Variants in RAD51B observed in about 807,000 individuals in gnomAD.
RAD51B encodes the protein DNA repair protein RAD51 homolog 2.
RAD51B carries 38 observed loss-of-function variants against 42.2 expected under a neutral mutation model. The observed-to-expected ratio is 0.90, with a 90% confidence interval of 0.70 to 1.18. The LOEUF is 1.18. RAD51B is among the 50% of genes most tolerant of loss of function. The pLI is 0.00. For missense variants in RAD51B, 373 were observed against 400.7 expected, an observed-to-expected ratio of 0.93 and a Z score of 0.59; for synonymous variants, 154 against 145.2, an observed-to-expected ratio of 1.06 and a Z score of -0.43.
chr14:68,668,404 C>A (rs538969407), intron 11 of RAD51B, among the ~76,000 whole-genome samples: 1 of 152,206 alleles, frequency 6.6e-6, no homozygotes, highest in Admixed American at 6.5e-5. Context: ...TCGAAAACCA[C>A]GCATTCCACT....
chr14:67,986,766 C>T lies in RAD51B; in HGVS notation c.756+99562C>T, dbSNP rs188832286. Among the ~76,000 whole-genome samples the T allele has an allele frequency of 6.2e-4, 94 of 152,286 alleles. 1 individual carries two copies. The highest frequency in any genetic ancestry group is 3.7e-4 in the Non-Finnish European group (25 of 68,036). On this transcript the variant is annotated intron_variant, in intron 7 of 10. Transcript: ENST00000471583. The stretch of plus-strand genomic sequence containing the variant: ...TTTTTTTGTGAGATGGAGTTTCGCT[C>T]TGTTGCTCAGGCTGGAGTTCAGTGG...
chr14:67,956,182 AACT>A (rs1365384402), intron 7 of RAD51B, among the ~76,000 whole-genome samples: 7 of 152,234 alleles, frequency 4.6e-5, no homozygotes, highest in Non-Finnish European at 7.3e-5. Flanking sequence ...CTTTCAGTTT[AACT>A]GAATGTTAAA....
At chr14:68,314,429 G>A (rs1488408639) in intron 8 of RAD51B, among the ~76,000 whole-genome samples, 1 of 152,132 alleles carries the variant, frequency 6.6e-6, no homozygotes. Flanking sequence ...TGGGGCTGCA[G>A]GTCTTTGAAA....
intron 7 of RAD51B, among the ~76,000 whole-genome samples, chr14:68,105,857 C>T (rs2077369087): frequency 1.3e-5 from 2 of 151,894 alleles, no homozygotes; most frequent in Non-Finnish European, 1.5e-5. Flanking sequence ...GATTATATAC[C>T]TTCTATTTAT....
chr14:67,851,611 G>C (rs1418717189), intron 4 of RAD51B, among the ~76,000 whole-genome samples: 1 of 151,470 alleles, frequency 6.6e-6, no homozygotes, highest in Admixed American at 6.6e-5. Context: ...GGTGGCCACG[G>C]CAGAGGACCT....
chr14:68,183,580 G>A (rs141045406), intron 7 of RAD51B, among the ~76,000 whole-genome samples: 3 of 152,270 alleles, frequency 2.0e-5, no homozygotes, highest in Non-Finnish European at 2.9e-5. Flanking sequence ...TATTATAACC[G>A]TCACACATCT....
At chr14:68,432,865 G>A (rs576446234) in intron 9 of RAD51B, among the ~76,000 whole-genome samples, 17 of 152,244 alleles carry the variant, frequency 1.1e-4, no homozygotes, top group Admixed American at 2.0e-4. Flanking sequence ...ACAATTTGGC[G>A]TGCTTTTGCA....
intron 7 of RAD51B, chr14:67,887,583 A>G (rs560649414): frequency 6.3e-6 from 1 of 159,382 alleles, no homozygotes; most frequent in African/African-American, 2.4e-5. Flanking sequence ...CTATATAATT[A>G]AAAAAAATAC....
chr14:68,007,310 T>C (rs985404934), intron 7 of RAD51B, among the ~76,000 whole-genome samples: 1 of 152,140 alleles, frequency 6.6e-6, no homozygotes, highest in Non-Finnish European at 1.5e-5. Context: ...TTATCAATAG[T>C]GCTGCTATGA....
At chr14:68,418,566 A>G (rs2084619041) in intron 9 of RAD51B, among the ~76,000 whole-genome samples, 1 of 152,220 alleles carries the variant, frequency 6.6e-6, no homozygotes, top group Admixed American at 6.5e-5. Flanking sequence ...AGATTTCTAG[A>G]GAAATCTGAG....
At chr14:68,482,109 T>C (rs1014118858), downstream of RAD51B, among the ~76,000 whole-genome samples, 1 of 51,356 alleles carries the variant, frequency 1.9e-5, no homozygotes, top group African/African-American at 3.7e-5. Flanking sequence ...GTATCATTAA[T>C]TACTTTTACT....
rs990058403 is a variant in RAD51B, at chr14:68,589,926, T to C, written c.1037-4559T>C. Among the ~76,000 whole-genome samples the C allele has an allele frequency of 2.0e-5, 3 of 152,184 alleles. 1 individual carries two copies. Among genetic ancestry groups the C allele is most frequent in the Admixed American group, 1.3e-4 (2 of 15,276 alleles). On this transcript the variant is annotated intron_variant, in intron 10 of 10. Transcript: ENST00000487270. The stretch of plus-strand genomic sequence containing the variant: ...GTCTGTGTTAGCTCACACAGACATA[T>C]TCACACACGAACACACACATTCCAT...
intron 7 of RAD51B, among the ~76,000 whole-genome samples, chr14:67,923,940 C>T (rs1239478986): frequency 6.6e-6 from 1 of 152,100 alleles, no homozygotes; most frequent in Admixed American, 6.5e-5. Flanking sequence ...AAGGTGGTAT[C>T]ACATTGTGGT....
At chr14:68,000,578 G>A (rs2075463249) in intron 7 of RAD51B, among the ~76,000 whole-genome samples, 1 of 151,930 alleles carries the variant, frequency 6.6e-6, no homozygotes, top group South Asian at 2.1e-4. Context: ...TAAATTATTA[G>A]TGTTTTGCAT....
intron 7 of RAD51B, among the ~76,000 whole-genome samples, chr14:68,288,701 A>G (rs1049487083): frequency 2.0e-5 from 3 of 152,226 alleles, no homozygotes; most frequent in African/African-American, 7.2e-5. Context: ...TCTGGAGCAT[A>G]CAGTACCTTT....
At chr14:68,328,868 A>C (rs988295147) in intron 8 of RAD51B, among the ~76,000 whole-genome samples, 1 of 152,206 alleles carries the variant, frequency 6.6e-6, no homozygotes, top group Non-Finnish European at 1.5e-5. Context: ...AACACACTGC[A>C]AGGAAGAGCT....
intron 8 of RAD51B, among the ~76,000 whole-genome samples, chr14:68,380,148 C>T (rs934512816): frequency 6.6e-6 from 1 of 152,156 alleles, no homozygotes; most frequent in Non-Finnish European, 1.5e-5. Flanking sequence ...GAGATGTTCT[C>T]GTGCTTAAAG....
At chr14:68,522,748 G>A (rs949265694) in intron 10 of RAD51B, among the ~76,000 whole-genome samples, 1 of 152,178 alleles carries the variant, frequency 6.6e-6, no homozygotes, top group Non-Finnish European at 1.5e-5. Flanking sequence ...GGATTTGAGG[G>A]TGGCTTAGTT....
intron 8 of RAD51B, chr14:68,339,074 AGCTTTC>A (rs1436894118): frequency 2.9e-5 from 20 of 679,364 alleles, no homozygotes; most frequent in Admixed American, 1.6e-4. Context: ...TCACCAGCTG[AGCTTTC>A]TTGTTCTCCA....
Sources: gnomAD v4.1 joint callset for allele counts (sites outside exome capture counted in the v4.1 genomes callset) on GRCh38, gnomAD v4.1.1 for gene constraint, MANE v1.5 for transcripts, NCBI Gene and HGNC (gene_info 2026-07-23, HGNC 2026-07-21) for gene names.